The following CFHR5 variants were observed in gnomAD, a reference collection of about 807,000 sequenced individuals.
CFHR5 encodes complement factor H-related protein 5.
A neutral mutation model predicts 62.9 loss-of-function variants in CFHR5; 73 were observed. The observed-to-expected ratio is 1.16, with a 90% confidence interval of 0.96 to 1.41. The LOEUF (loss-of-function observed/expected upper bound fraction) is 1.41, where lower values mean the gene tolerates loss of function less well. Ranked by LOEUF, CFHR5 falls within the 40% of genes most tolerant of loss-of-function variation. The pLI, the probability that CFHR5 is intolerant of heterozygous loss-of-function variation, is 0.00. For missense variants in CFHR5, 779 were observed against 679.9 expected (o/e 1.15, Z -1.62); for synonymous variants, 249 against 227.2 (o/e 1.10, Z -0.86).
At chr1:197,001,763 T>G (rs147408762) in intron 7 of CFHR5, among the ~76,000 whole-genome samples, 1,811 of 139,964 alleles carry the variant, frequency 0.013, 48 homozygotes, top group African/African-American at 0.043. Context: ...CCATGTGTTC[T>G]CATTGTTCAA....
intron 3 of CFHR5, among the ~76,000 whole-genome samples, chr1:196,985,076 AT>A (rs1357340663): frequency 5.3e-5 from 8 of 151,990 alleles, no homozygotes; most frequent in Non-Finnish European, 8.8e-5. Context: ...AATTTTCTAA[AT>A]TTTTTTTCAG....
chr1:197,002,650 T>C lies in CFHR5; in HGVS notation c.1316T>C (p.Leu439Ser), dbSNP rs776160815. 2 of 1,612,994 alleles carry C rather than the reference T, an allele frequency of 1.2e-6. No individual in the cohort carries two copies. Among genetic ancestry groups the C allele is most frequent in the South Asian group, 2.2e-5 (2 of 91,068 alleles). The change falls in exon 8 of 10, where the codon TTA becomes TCA. Residue 439 changes from leucine (L) to serine (S), a missense_variant. Coordinates refer to ENST00000256785, the MANE Select transcript of CFHR5 (RefSeq NM_030787.4). Reference sequence around the variant, plus strand: ...TGTAAAGATGGACGATGGCAATCATTACCACGCTGTGTTGGTTAGTAGTTT... The same window carrying C: ...TGTAAAGATGGACGATGGCAATCATCACCACGCTGTGTTGGTTAGTAGTTT... ...IVCKDGRWQS[L>S]PRCVESTAYC...
At chr1:197,004,887 T>C in intron 9 of CFHR5, 44 bp downstream of exon 9, 2 of 1,480,374 alleles carry the variant, frequency 1.4e-6, no homozygotes, top group African/African-American at 1.4e-5. Context: ...TTAATATTTA[T>C]AGTGTAATTT....
chr1:196,995,868 T>C lies in CFHR5; in HGVS notation c.759T>C (p.Asp253=). 6.2e-7 allele frequency: 1 copy of C among 1,613,376 alleles called. No individual in the cohort carries two copies. Among genetic ancestry groups the C allele is most frequent in the Non-Finnish European group, 8.5e-7 (1 of 1,179,478 alleles). The change falls in exon 5 of 10, where the codon GAT becomes GAC. Residue 253 remains aspartate, a synonymous_variant. Coordinates refer to ENST00000256785, the MANE Select transcript of CFHR5 (RefSeq NM_030787.4). Reference sequence around the variant, plus strand: ...GGCCTAAGAAAATACAATGTGTGGATGGAGAATGGACAACTTTACCCACTT... The same window carrying C: ...GGCCTAAGAAAATACAATGTGTGGACGGAGAATGGACAACTTTACCCACTT... ...INGPKKIQCV[D]GEWTTLPTCV...
At chr1:196,991,513 T>G (rs1035849296) in intron 3 of CFHR5, among the ~76,000 whole-genome samples, 4 of 152,194 alleles carry the variant, frequency 2.6e-5, no homozygotes, top group African/African-American at 9.7e-5. Context: ...TTATCTACCT[T>G]TGGTCTTTGA....
At position 196,988,411 on chromosome 1, in the gene CFHR5, A is replaced by G. The variant is rs562047569; in HGVS notation, c.430+4274A>G. On this transcript the variant is annotated intron_variant, in intron 3 of 9. Coordinates refer to ENST00000256785, the MANE Select transcript of CFHR5 (RefSeq NM_030787.4). ...GCCAGAACTTCCAACACTATGTTGA[A>G]TAGGAGTGGTAAGAGAGGGCATCCC... Among the ~76,000 whole-genome samples the G allele has an allele frequency of 5.9e-5, 9 of 152,242 alleles. No homozygotes were observed. The South Asian group carries it at 1.0e-3, about 18-fold the overall frequency.
intron 3 of CFHR5, among the ~76,000 whole-genome samples, chr1:196,988,408 T>C (rs1025463126): frequency 3.9e-5 from 6 of 152,166 alleles, no homozygotes; most frequent in Non-Finnish European, 8.8e-5. Flanking sequence ...AACACTATGT[T>C]GAATAGGAGT....
chr1:197,004,053 T>C (rs12116643), intron 8 of CFHR5, among the ~76,000 whole-genome samples: 29,946 of 152,094 alleles, frequency 0.2, 4,158 homozygotes, highest in East Asian at 0.69. Context: ...TTCATATTTA[T>C]GTTCTTGGTG....
chr1:196,994,280 T>G (rs1020994350), intron 4 of CFHR5, 24 bp downstream of exon 4: 1 of 1,579,886 alleles, frequency 6.3e-7, no homozygotes. Context: ...TTAGAAGTGA[T>G]GAAACAAGAA....
intron 7 of CFHR5, among the ~76,000 whole-genome samples, chr1:196,998,965 CA>C (rs1001471962): frequency 6.6e-6 from 1 of 151,922 alleles, no homozygotes; most frequent in African/African-American, 2.4e-5. Flanking sequence ...GTAATCTCTT[CA>C]AAGTGCTTAG....
At chr1:197,004,578 T>C (rs1426576635) in intron 8 of CFHR5, 83 bp from the exon 9 acceptor site, 26 of 1,096,830 alleles carry the variant, frequency 2.4e-5, no homozygotes, top group Non-Finnish European at 3.6e-5. Context: ...ACACCTTATA[T>C]TAAAGATATG....
In CFHR5 at chr1:196,977,723, G is replaced by A. The variant is rs1270082692; in HGVS notation, c.58+1G>A. On this transcript the variant is annotated splice_donor_variant, in intron 1 of 9. Transcript: ENST00000256785. LOFTEE classifies it high-confidence loss of function. ...TGGGTATCCACTGTTGGGGGAGAAG[G>A]TAAGTTGAAAACAGATCCGAATATT... 2 of 1,610,526 alleles carry A rather than the reference G, an allele frequency of 1.2e-6. No homozygotes were observed. The highest frequency in any genetic ancestry group is 2.2e-5 in the South Asian group (2 of 90,910).
chr1:196,982,834 C>G, intron 1 of CFHR5, 51 bp from the exon 2 acceptor site: 4 of 1,503,542 alleles, frequency 2.7e-6, no homozygotes, highest in Non-Finnish European at 3.7e-6. Context: ...TCTAGTGATT[C>G]ATCGATGTAG....
Position 196,977,740 on chromosome 1 carries a change from C to T in CFHR5, c.58+18C>T. ...GGGAGAAGGTAAGTTGAAAACAGAT[C>T]CGAATATTTTAGTTCCTTTTCAAAT... is the stretch of plus-strand genomic sequence containing the variant. On this transcript the variant is annotated intron_variant, in intron 1 of 9. Transcript: ENST00000256785. The T allele has an allele frequency of 6.3e-7, 1 of 1,580,552 alleles. No individual in the cohort carries two copies. The highest frequency in any genetic ancestry group is 8.7e-7 in the Non-Finnish European group (1 of 1,149,602).
In CFHR5 at chr1:197,002,643, C is replaced by T. The variant is rs1204790964; in HGVS notation, c.1309C>T (p.Gln437Ter). Reference protein sequence around the residue: ...KEIVCKDGRWQSLPRCVESTA... With the variant: ...KEIVCKDGRW Reference sequence around the variant, plus strand: ...AATTGTATGTAAAGATGGACGATGGCAATCATTACCACGCTGTGTTGGTTA... The same window carrying T: ...AATTGTATGTAAAGATGGACGATGGTAATCATTACCACGCTGTGTTGGTTA... The change falls in exon 8 of 10, where the codon CAA (glutamine) becomes TAA (stop). Residue 437 changes from glutamine to a stop codon, truncating the protein, a stop_gained. Transcript: ENST00000256785. LOFTEE classifies it high-confidence loss of function. The T allele has an allele frequency of 2.5e-6, 4 of 1,612,954 alleles. No individual in the cohort carries two copies. Among genetic ancestry groups the T allele is most frequent in the South Asian group, 2.2e-5 (2 of 91,060 alleles).
intron 9 of CFHR5, among the ~76,000 whole-genome samples, chr1:197,005,223 G>A (rs1654257367): frequency 6.6e-6 from 1 of 151,962 alleles, no homozygotes; most frequent in African/African-American, 2.4e-5. Context: ...TACTATATAA[G>A]GTTCTACTTG....
intron 9 of CFHR5, among the ~76,000 whole-genome samples, chr1:197,007,335 G>A (rs1320744285): frequency 1.3e-5 from 2 of 151,970 alleles, no homozygotes; most frequent in African/African-American, 2.4e-5. Context: ...ATATTCTCAG[G>A]TGCTTAACAC....
chr1:197,004,571 C>A (rs1231186300), intron 8 of CFHR5, 90 bp from the exon 9 acceptor site: 3 of 1,022,054 alleles, frequency 2.9e-6, no homozygotes, highest in African/African-American at 1.6e-5. Context: ...TTTCCAGACA[C>A]CTTATATTAA....
rs1176694305 is a variant in CFHR5 at position 196,996,089 on chromosome 1, C to T, written c.858C>T (p.Pro286=). The part of the protein sequence containing the change: ...EYGYVQPSVP[P]YQHGVSVEVN... ...GTTATGTTCAGCCGTCTGTCCCTCC[C>T]TATCAACATGGAGTTTCAGTCGAGG... Residue 286 remains proline, a synonymous_variant, in exon 6 of 10, where the codon CCC becomes CCT. Transcript: ENST00000256785. 2 of 1,613,624 alleles carry T rather than the reference C, an allele frequency of 1.2e-6. No individual in the cohort carries two copies. The highest frequency in any genetic ancestry group is 2.2e-5 in the East Asian group (1 of 44,864).
Sources: allele counts gnomAD v4.1 joint callset (sites outside exome capture counted in the v4.1 genomes callset), GRCh38; gene constraint gnomAD v4.1.1; transcripts MANE v1.5; gene names NCBI Gene and HGNC (gene_info 2026-07-23, HGNC 2026-07-21).